The following PPP6R3 variants were observed in gnomAD, a reference collection of about 807,000 sequenced individuals.
The protein encoded by PPP6R3 is protein phosphatase 6 regulatory subunit 3.
PPP6R3 carries 38 observed loss-of-function variants against 110.7 expected under a neutral mutation model. The ratio of observed to expected loss-of-function variants is 0.34; its 90% CI spans 0.26 to 0.45. PPP6R3 has a LOEUF of 0.45. Ranked by LOEUF, PPP6R3 falls within the 20% of genes least tolerant of loss-of-function variation. PPP6R3 has a pLI of 1.00. For missense variants in PPP6R3, 870 were observed against 1,062.4 expected (o/e 0.82, Z 2.52); for synonymous variants, 369 against 373.5 (o/e 0.99, Z 0.14).
intron 2 of PPP6R3, among the ~76,000 whole-genome samples, chr11:68,521,208 T>C (rs1212291592): frequency 6.6e-6 from 1 of 152,252 alleles, no homozygotes; most frequent in Non-Finnish European, 1.5e-5. Flanking sequence ...TCTCAGAGCA[T>C]CTCATTAAGT....
intron 1 of PPP6R3, among the ~76,000 whole-genome samples, chr11:68,510,304 C>G (rs962695525): frequency 1.3e-5 from 2 of 152,098 alleles, no homozygotes; most frequent in Admixed American, 6.6e-5. Flanking sequence ...GCTCTCTGGT[C>G]TCTCAACATT....
Position 68,575,985 on chromosome 11 carries a change from G to A in PPP6R3, c.1487G>A (p.Trp496Ter). Residue 496 changes from tryptophan to a stop codon, truncating the protein, a stop_gained, in exon 14 of 24, where the codon TGG becomes TAG. Transcript: ENST00000393800. LOFTEE classifies it high-confidence loss of function. Reference sequence around the variant, plus strand: ...CTTCCCGACGAAGTCAGGGAACGATGGGAGACGTTCTGCACAAGCTCCTTA... The same window carrying A: ...CTTCCCGACGAAGTCAGGGAACGATAGGAGACGTTCTGCACAAGCTCCTTA... ...KDLPDEVRER[W>*]ETFCTSSLGE... is the part of the protein sequence containing the mutation. 1 of 1,612,138 alleles carries A rather than the reference G, an allele frequency of 6.2e-7. No individual in the cohort carries two copies. Among genetic ancestry groups the A allele is most frequent in the Non-Finnish European group, 8.5e-7 (1 of 1,178,796 alleles).
intron 1 of PPP6R3, among the ~76,000 whole-genome samples, chr11:68,462,691 T>G (rs2098716807): frequency 6.6e-6 from 1 of 152,182 alleles, no homozygotes; most frequent in South Asian, 2.1e-4. Flanking sequence ...TCTAGAACAT[T>G]GAACAAAATG....
At chr11:68,464,559 G>T (rs1299096213) in intron 1 of PPP6R3, among the ~76,000 whole-genome samples, 1 of 152,132 alleles carries the variant, frequency 6.6e-6, no homozygotes, top group Non-Finnish European at 1.5e-5. Flanking sequence ...CTGTGAACTT[G>T]GTCTTTGCAG....
intron 14 of PPP6R3, among the ~76,000 whole-genome samples, chr11:68,582,248 A>G (rs546965239): frequency 6.6e-6 from 1 of 152,340 alleles, no homozygotes; most frequent in Middle Eastern, 3.4e-3. Context: ...GAAGTTTACA[A>G]ACTGTCCATG....
At chr11:68,486,632 C>T (rs987934109) in intron 1 of PPP6R3, among the ~76,000 whole-genome samples, 3 of 150,592 alleles carry the variant, frequency 2.0e-5, no homozygotes, top group African/African-American at 4.9e-5. Flanking sequence ...AAAAAAATTC[C>T]GTCTGCTGCT....
Position 68,542,389 on chromosome 11 carries a change from G to GTTTTTTTTTTGTT in PPP6R3, c.228-2439_228-2438insGTTTTTTTTTTTT, listed in dbSNP as rs1555132282. Among the ~76,000 whole-genome samples the GTTTTTTTTTTGTT allele has an allele frequency of 6.5e-3, 261 of 40,222 alleles. 69 individuals carry two copies. The highest frequency in any genetic ancestry group is 0.018 in the African/African-American group (175 of 9,648). The allele number at this position is 40,222 out of a possible 152,430, so 26.4% of individuals were successfully genotyped here. A position where few individuals can be genotyped will look rare whatever the true frequency, so the allele number is the denominator to read the frequency against. ...ATCTTTGGGTGCTTGAGAAGCTGCT[G>GTTTTTTTTTTGTT]TTTTTTTTTTTTTTTTTTTTTTAAG... On this transcript the variant is annotated intron_variant, in intron 3 of 23. Coordinates refer to ENST00000393800, the MANE Select transcript of PPP6R3 (RefSeq NM_001164161.2).
intron 1 of PPP6R3, among the ~76,000 whole-genome samples, chr11:68,493,161 T>A (rs2098994086): frequency 6.6e-6 from 1 of 152,200 alleles, no homozygotes. Flanking sequence ...ATATGTAGGG[T>A]CTAAGTGCTA....
chr11:68,611,691 CGAA>C (rs1190438454), intron 23 of PPP6R3, among the ~76,000 whole-genome samples: 1 of 152,070 alleles, frequency 6.6e-6, no homozygotes, highest in East Asian at 1.9e-4. Flanking sequence ...CAAGAAGCCA[CGAA>C]GAAGGGACAG....
In PPP6R3 at chr11:68,587,907, A is replaced by G; in HGVS notation, c.1633-20A>G. On this transcript the variant is annotated intron_variant, in intron 15 of 23. Transcript: ENST00000393800. ...TCATTAGAATCATTATATCACTGTC[A>G]CTGGTCCTGGGGTTGCCAGGCCTTT... 3 of 1,586,836 alleles carry G rather than the reference A, an allele frequency of 1.9e-6. No individual in the cohort carries two copies. The South Asian group carries it at 3.3e-5, about 18-fold the overall frequency.
intron 15 of PPP6R3, chr11:68,587,174 A>ACC (rs1491452110): frequency 2.0e-3 from 251 of 125,046 alleles, no homozygotes; most frequent in African/African-American, 7.9e-3. Context: ...GTCCATTATA[A>ACC]CACCCCCCCC....
chr11:68,582,403 G>A (rs1048809038), intron 14 of PPP6R3, among the ~76,000 whole-genome samples: 2 of 152,206 alleles, frequency 1.3e-5, no homozygotes, highest in African/African-American at 4.8e-5. Context: ...TTGGTGAGCA[G>A]TTCATGTTTG....
At chr11:68,527,750 A>G (rs1369809497) in intron 2 of PPP6R3, among the ~76,000 whole-genome samples, 1 of 152,226 alleles carries the variant, frequency 6.6e-6, no homozygotes, top group Non-Finnish European at 1.5e-5. Flanking sequence ...GTGCATTCAC[A>G]CACAGCCCTT....
chr11:68,495,389 G>GT (rs1323168186), intron 1 of PPP6R3, among the ~76,000 whole-genome samples: 2 of 152,152 alleles, frequency 1.3e-5, no homozygotes, highest in Admixed American at 6.5e-5. Flanking sequence ...ACAAGTTAAT[G>GT]TTTTTTAGTA....
chr11:68,567,017 A>G lies in PPP6R3; in HGVS notation c.979A>G (p.Ser327Gly). Residue 327 changes from serine to glycine, a missense_variant, in exon 10 of 24, where the codon AGT becomes GGT. By Grantham distance (56) the Ser-to-Gly change is moderately conservative (BLOSUM62 0). Transcript: ENST00000393800. ...HELLLEPPKKSVMKTTWGVLD... is the reference protein window; with the variant it reads ...HELLLEPPKKGVMKTTWGVLD... The stretch of plus-strand genomic sequence containing the variant: ...TGGAAAGCTTTTTCTTCTTCAGAAA[A>G]GTGTGATGAAGACCACATGGGGTGT... The G allele has an allele frequency of 6.5e-7, 1 of 1,535,156 alleles. No homozygotes were observed. Among genetic ancestry groups the G allele is most frequent in the South Asian group, 1.3e-5 (1 of 79,796 alleles).
intron 1 of PPP6R3, among the ~76,000 whole-genome samples, chr11:68,482,583 T>A (rs2098922022): frequency 6.6e-6 from 1 of 152,180 alleles, no homozygotes. Flanking sequence ...CTGGCTTGGT[T>A]TTGAAGTCTT....
At chr11:68,574,557 A>G (rs1183611227) in intron 13 of PPP6R3, among the ~76,000 whole-genome samples, 1 of 152,232 alleles carries the variant, frequency 6.6e-6, no homozygotes, top group Non-Finnish European at 1.5e-5. Context: ...ATATGCTAGC[A>G]GTTGAGCCAC....
chr11:68,560,852 T>C (rs2153731630), intron 8 of PPP6R3, among the ~76,000 whole-genome samples: 1 of 151,724 alleles, frequency 6.6e-6, no homozygotes, highest in South Asian at 2.1e-4. Flanking sequence ...AACCTACACA[T>C]ATCCTCCTGT....
chr11:68,613,462 A>C lies in PPP6R3; in HGVS notation c.*345A>C, dbSNP rs1387225335. ...TAGTTTTATAAAAGTGAATACACAG[A>C]TCTATTGTATTTGAAACATAACTTT... On this transcript the variant is annotated 3_prime_UTR_variant, in exon 24 of 24. Transcript: ENST00000393800. 3 of 1,010,826 alleles carry C rather than the reference A, an allele frequency of 3.0e-6. No individual in the cohort carries two copies. In the East Asian group the frequency reaches 2.9e-4, roughly 97 times the overall value. 62.6% of individuals were successfully genotyped at this position (1,010,826 alleles called of 1,614,324 possible).
Sources: gnomAD v4.1 joint callset for allele counts (sites outside exome capture counted in the v4.1 genomes callset) on GRCh38, gnomAD v4.1.1 for gene constraint, MANE v1.5 for transcripts, NCBI Gene and HGNC (gene_info 2026-07-23, HGNC 2026-07-21) for gene names.